The following SP6 variants were observed in gnomAD, a reference collection of about 807,000 sequenced individuals.
SP6 encodes the protein transcription factor Sp6.
In SP6, 10 loss-of-function variants were observed where a neutral mutation model predicts 23.4. The ratio of observed to expected loss-of-function variants is 0.43; its 90% CI spans 0.26 to 0.72. SP6 has a LOEUF of 0.72. SP6 is among the 30% of genes least tolerant of loss of function. The probability of loss-of-function intolerance (pLI) is 0.23; values close to 1 mark genes in which losing one functional copy is unlikely to be tolerated. For missense variants in SP6, 482 were observed against 523.8 expected (o/e 0.92, Z 0.78); for synonymous variants, 238 against 238.7 (o/e 1.00, Z 0.03).
the SP6 span, among the ~76,000 whole-genome samples, chr17:47,863,951 C>A: frequency 6.6e-6 from 1 of 151,010 alleles, no homozygotes; most frequent in South Asian, 2.1e-4. Context: ...TGTTAGCCTG[C>A]CTCGGCCTCC....
At chr17:47,868,848 G>A in the SP6 span, among the ~76,000 whole-genome samples, 8 of 152,316 alleles carry the variant, frequency 5.3e-5, no homozygotes, top group East Asian at 1.5e-3. Flanking sequence ...GCTGGCTCCA[G>A]TGCCCTCTTC....
chr17:47,847,395 C>T lies in SP6; in HGVS notation c.1035G>A (p.Gly345=). The change falls in exon 2 of 2, where the codon GGG becomes GGA. Residue 345 remains glycine (G), a synonymous_variant. Transcript: ENST00000536300. ...CGGCCTTGCCCTCTCCCGAGGCCGC[C>T]CCAGCCGCCTCCTCCTTGGCGCCCT... is the stretch of plus-strand genomic sequence containing the variant. The part of the protein sequence containing the change: ...THEGAKEEAA[G]AASGEGKAGG... 4 of 1,612,974 alleles carry T rather than the reference C, an allele frequency of 2.5e-6. No individual in the cohort carries two copies. Among genetic ancestry groups the T allele is most frequent in the Non-Finnish European group, 3.4e-6 (4 of 1,179,708 alleles).
chr17:47,872,141 C>G, the SP6 span, among the ~76,000 whole-genome samples: 1 of 142,282 alleles, frequency 7.0e-6, no homozygotes, highest in Non-Finnish European at 1.6e-5. Context: ...GTATCAGGGT[C>G]GCAGGTAGTT....
chr17:47,854,694 A>G (rs1246879923), upstream of SP6, among the ~76,000 whole-genome samples: 2 of 152,202 alleles, frequency 1.3e-5, no homozygotes, highest in East Asian at 3.8e-4. Flanking sequence ...TCCTGTAGAG[A>G]TTGCACTATG....
Position 47,848,176 on chromosome 17 carries a change from C to T in SP6, c.254G>A (p.Ser85Asn), listed in dbSNP as rs2033915641. ...RVTCEDLESD[S>N]PLAPGPFSKL... The stretch of plus-strand genomic sequence containing the variant: ...GGAAAAGGGGCCCGGGGCCAAGGGA[C>T]TGTCGCTTTCCAGGTCCTCGCAGGT... The change falls in exon 2 of 2, where the codon AGT becomes AAT. Residue 85 changes from serine (S) to asparagine (N), a missense_variant. By Grantham distance (46) the Ser-to-Asn change is conservative. Coordinates refer to ENST00000536300, the MANE Select transcript of SP6 (RefSeq NM_001258248.2). This position sits in a 1 kb window ranked among gnomAD's most constrained non-coding sequence, Gnocchi z 5.3. 1 of 1,613,190 alleles carries T rather than the reference C, an allele frequency of 6.2e-7. No homozygotes were observed.
Position 47,848,554 on chromosome 17 carries a change from C to T in SP6, c.-57-68G>A. ...CTCACTTTCCCTCCTAACCCAGGTCCTCCTCTCTGGCCCCAGGTGTAAAAG... is the reference window on the plus strand; with the variant it reads ...CTCACTTTCCCTCCTAACCCAGGTCTTCCTCTCTGGCCCCAGGTGTAAAAG... On this transcript the variant is annotated intron_variant, in intron 1 of 1. Coordinates refer to ENST00000536300, the MANE Select transcript of SP6 (RefSeq NM_001258248.2). This position sits in a 1 kb window ranked among gnomAD's most constrained non-coding sequence, Gnocchi z 5.3. The T allele has an allele frequency of 1.1e-6, 1 of 870,342 alleles. No individual in the cohort carries two copies. Among genetic ancestry groups the T allele is most frequent in the South Asian group, 1.9e-5 (1 of 52,898 alleles). 53.9% of individuals were successfully genotyped at this position (870,342 alleles called of 1,614,324 possible).
At chr17:47,852,202 G>A (rs2033964045), upstream of SP6, among the ~76,000 whole-genome samples, 1 of 152,160 alleles carries the variant, frequency 6.6e-6, no homozygotes. Context: ...ATTCCTTTGA[G>A]AAAAATTCAC....
chr17:47,846,577 A>G lies in SP6; in HGVS notation c.*722T>C, dbSNP rs1038420918. ...GAGGACTTCCCTACTCGCCCCCTCC[A>G]TCTATCTCGGTCCTTTATCGCCAGC... On this transcript the variant is annotated 3_prime_UTR_variant, in exon 2 of 2. Coordinates refer to ENST00000536300, the MANE Select transcript of SP6 (RefSeq NM_001258248.2). 3 of 152,128 alleles carry G rather than the reference A, an allele frequency of 2.0e-5. No individual in the cohort carries two copies. The highest frequency in any genetic ancestry group is 7.2e-5 in the African/African-American group (3 of 41,404). The allele number at this position is 152,128 out of a possible 1,614,324, so 9.4% of individuals were successfully genotyped here.
intron 1 of SP6, among the ~76,000 whole-genome samples, chr17:47,849,855 C>T (rs1042247894): frequency 6.6e-6 from 1 of 152,186 alleles, no homozygotes; most frequent in African/African-American, 2.4e-5. Context: ...GTTTGTGTGC[C>T]TGGGTCTTCT....
At chr17:47,856,979 C>A (rs1051840301), upstream of SP6, among the ~76,000 whole-genome samples, 3 of 151,922 alleles carry the variant, frequency 2.0e-5, no homozygotes, top group African/African-American at 7.3e-5. Context: ...AGCAATTATC[C>A]CATAAAGGCC....
At chr17:47,872,787 T>G in the SP6 span, among the ~76,000 whole-genome samples, 1 of 150,294 alleles carries the variant, frequency 6.7e-6, no homozygotes, top group Non-Finnish European at 1.5e-5. Context: ...TTAGAGGAGG[T>G]CCCTGTTTGG....
At chr17:47,869,457 C>T in the SP6 span, among the ~76,000 whole-genome samples, 4 of 152,168 alleles carry the variant, frequency 2.6e-5, no homozygotes, top group African/African-American at 9.7e-5. Flanking sequence ...ACACCAAACT[C>T]TGAAAAGGGG....
the SP6 span, among the ~76,000 whole-genome samples, chr17:47,866,105 C>T: frequency 6.6e-6 from 1 of 152,172 alleles, no homozygotes; most frequent in South Asian, 2.1e-4. Flanking sequence ...GCTCTGGTCT[C>T]ATGGCTTTTC....
At chr17:47,851,700 T>TCCCCCGA (rs1156646500), upstream of SP6, among the ~76,000 whole-genome samples, 2 of 136,758 alleles carry the variant, frequency 1.5e-5, no homozygotes, top group Non-Finnish European at 1.6e-5. Context: ...CCTTCGCCAT[T>TCCCCCGA]CCCCCGACCC....
upstream of SP6, among the ~76,000 whole-genome samples, chr17:47,851,838 C>CCTCCT (rs1389005186): frequency 6.6e-6 from 1 of 151,592 alleles, no homozygotes; most frequent in Non-Finnish European, 1.5e-5. Context: ...TGGGTGACCA[C>CCTCCT]CTCCTCTCCT....
the SP6 span, among the ~76,000 whole-genome samples, chr17:47,867,157 TC>T: frequency 1.3e-5 from 2 of 151,844 alleles, no homozygotes; most frequent in Non-Finnish European, 2.9e-5. Flanking sequence ...CCAGTGAGGG[TC>T]CCCCTGCACC....
Position 47,847,056 on chromosome 17 carries a change from A to T in SP6, c.*243T>A. Reference sequence around the variant, plus strand: ...CAGCCCAGGGGCGAGGGAAACTGTGAGGCAGGGGAGAACAGAGGGGCATTG... The same window carrying T: ...CAGCCCAGGGGCGAGGGAAACTGTGTGGCAGGGGAGAACAGAGGGGCATTG... On this transcript the variant is annotated 3_prime_UTR_variant, in exon 2 of 2. Coordinates refer to ENST00000536300, the MANE Select transcript of SP6 (RefSeq NM_001258248.2). 1 of 523,012 alleles carries T rather than the reference A, an allele frequency of 1.9e-6. No homozygotes were observed. The highest frequency in any genetic ancestry group is 3.4e-6 in the Non-Finnish European group (1 of 298,454). 32.4% of individuals were successfully genotyped at this position (523,012 alleles called of 1,614,324 possible). A position where few individuals can be genotyped will look rare whatever the true frequency, so the allele number is the denominator to read the frequency against.
chr17:47,871,911 G>A, the SP6 span, among the ~76,000 whole-genome samples: 6 of 152,158 alleles, frequency 3.9e-5, no homozygotes, highest in Admixed American at 2.0e-4. Flanking sequence ...GTCAGCCACC[G>A]CGCCCGGCCT....
rs755959543 is a variant in SP6, at chr17:47,847,375, T to G, written c.1055A>C (p.Lys352Thr). 13 of 1,611,164 alleles carry G rather than the reference T, an allele frequency of 8.1e-6. No homozygotes were observed. In the East Asian group the frequency reaches 2.9e-4, roughly 36 times the overall value. The part of the protein sequence containing the change: ...EAAGAASGEG[K>T]AGGAVEPPGG... ...GGGGGGCTCCACTGCGCCGCCGGCC[T>G]TGCCCTCTCCCGAGGCCGCCCCAGC... Residue 352 changes from lysine (K) to threonine (T), a missense_variant, in exon 2 of 2, where the codon AAG becomes ACG. This residue lies in a region of SP6 where 101 missense variants were observed against 99.3 expected (regional missense o/e 1.02). Coordinates refer to ENST00000536300, the MANE Select transcript of SP6 (RefSeq NM_001258248.2).
Sources: gnomAD v4.1 joint callset for allele counts (sites outside exome capture counted in the v4.1 genomes callset) on GRCh38, gnomAD v4.1.1 for gene constraint, gnomAD v4.1.1 regional missense constraint, Gnocchi (gnomAD v3.1) non-coding constraint, MANE v1.5 for transcripts, NCBI Gene and HGNC (gene_info 2026-07-23, HGNC 2026-07-21) for gene names.